LPIN1: variants seen among roughly 807,000 people sequenced by gnomAD.
LPIN1 encodes phosphatidate phosphatase LPIN1.
In LPIN1, 71 loss-of-function variants were observed where a neutral mutation model predicts 107.5. The ratio of observed to expected loss-of-function variants is 0.66; its 90% CI spans 0.55 to 0.80. The LOEUF (loss-of-function observed/expected upper bound fraction) is 0.80. LPIN1 is among the 30% of genes least tolerant of loss of function. The pLI, the probability that LPIN1 is intolerant of heterozygous loss-of-function variation, is 0.00. For missense variants in LPIN1, 1,043 were observed against 1,160.6 expected, an observed-to-expected ratio of 0.90 and a Z score of 1.47; for synonymous variants, 445 against 452.6, an observed-to-expected ratio of 0.98 and a Z score of 0.21.
chr2:11,696,102 C>A (rs1254449723), intron 1 of LPIN1, among the ~76,000 whole-genome samples: 1 of 141,784 alleles, frequency 7.1e-6, no homozygotes, highest in Non-Finnish European at 1.5e-5. Context: ...ATGCGGAGAA[C>A]ATGCAGGTTT....
intron 1 of LPIN1, among the ~76,000 whole-genome samples, chr2:11,763,876 G>A (rs1670260485): frequency 6.6e-6 from 1 of 151,224 alleles, no homozygotes; most frequent in Non-Finnish European, 1.5e-5. Flanking sequence ...CGCCTCCAGC[G>A]CCAGCTCCTC....
At chr2:11,811,983 C>CA (rs1039745941) in intron 17 of LPIN1, among the ~76,000 whole-genome samples, 17 of 147,786 alleles carry the variant, frequency 1.2e-4, no homozygotes, top group South Asian at 4.3e-4. Flanking sequence ...GACTCCGTCT[C>CA]AAAAAAAAAG....
chr2:11,773,757 C>G lies in LPIN1; in HGVS notation c.722+12C>G. The G allele has an allele frequency of 6.2e-7, 1 of 1,613,982 alleles. No individual in the cohort carries two copies. Among genetic ancestry groups the G allele is most frequent in the Non-Finnish European group, 8.5e-7 (1 of 1,179,910 alleles). Reference sequence around the variant, plus strand: ...TCACCCACTCCCAGGTAAGCTGTTCCCTGTTCCCCTGGCCCAGTGCAGAGG... The same window carrying G: ...TCACCCACTCCCAGGTAAGCTGTTCGCTGTTCCCCTGGCCCAGTGCAGAGG... On this transcript the variant is annotated intron_variant, in intron 5 of 20. Coordinates refer to ENST00000674199, the MANE Select transcript of LPIN1 (RefSeq NM_001349206.2).
chr2:11,795,055 A>C (rs1056004040), intron 13 of LPIN1, among the ~76,000 whole-genome samples: 7 of 152,214 alleles, frequency 4.6e-5, no homozygotes, highest in African/African-American at 1.7e-4. Context: ...ATCAGCAATT[A>C]CAAGAAAATA....
At chr2:11,690,582 T>C (rs1441350948) in intron 1 of LPIN1, among the ~76,000 whole-genome samples, 1 of 152,206 alleles carries the variant, frequency 6.6e-6, no homozygotes, top group African/African-American at 2.4e-5. Context: ...CTGGCACGAT[T>C]AGACACAAAT....
chr2:11,710,359 A>G (rs1186777831), intron 1 of LPIN1, among the ~76,000 whole-genome samples: 3 of 152,148 alleles, frequency 2.0e-5, no homozygotes, highest in Non-Finnish European at 4.4e-5. Flanking sequence ...AATCAAGACA[A>G]ACAATAGAGT....
exon 1 of LPIN1, chr2:11,677,607 A>T: frequency 7.0e-7 from 1 of 1,425,566 alleles, no homozygotes; most frequent in Non-Finnish European, 9.6e-7. Context: ...TTCTCTCCTG[A>T]TGCTGGGTGA....
At chr2:11,770,080 G>T (rs1252709068) in intron 3 of LPIN1, among the ~76,000 whole-genome samples, 1 of 152,180 alleles carries the variant, frequency 6.6e-6, no homozygotes, top group Non-Finnish European at 1.5e-5. Context: ...AATACTAATT[G>T]GTTCCTAATG....
At chr2:11,725,280 A>AAAAC (rs550383311) in intron 1 of LPIN1, among the ~76,000 whole-genome samples, 108 of 151,966 alleles carry the variant, frequency 7.1e-4, no homozygotes, top group South Asian at 3.3e-3. Context: ...AACAAAAACA[A>AAAAC]AAACAAACAA....
chr2:11,801,899 G>A (rs1052135665), intron 14 of LPIN1, among the ~76,000 whole-genome samples: 21 of 152,074 alleles, frequency 1.4e-4, no homozygotes, highest in Middle Eastern at 6.8e-3. Flanking sequence ...CCATAAATAT[G>A]TATAATTAAT....
At chr2:11,807,512 ATT>A (rs557625077) in intron 17 of LPIN1, among the ~76,000 whole-genome samples, 58 of 140,532 alleles carry the variant, frequency 4.1e-4, no homozygotes, top group African/African-American at 7.4e-4. Flanking sequence ...TTGCTTTTTA[ATT>A]TTTTTTTTTT....
chr2:11,780,937 A>G (rs758138826), intron 7 of LPIN1, among the ~76,000 whole-genome samples: 9 of 152,234 alleles, frequency 5.9e-5, no homozygotes, highest in Non-Finnish European at 1.0e-4. Flanking sequence ...GGTTCAGCAA[A>G]TATGTTTCTA....
intron 6 of LPIN1, 74 bp from the exon 7 acceptor site, chr2:11,779,445 C>A: frequency 6.6e-7 from 1 of 1,514,716 alleles, no homozygotes; most frequent in Non-Finnish European, 9.1e-7. Context: ...GCTATTTGAG[C>A]CATGGAGCTG....
chr2:11,764,768 G>A (rs566009218), intron 1 of LPIN1, among the ~76,000 whole-genome samples: 16 of 152,318 alleles, frequency 1.1e-4, no homozygotes, highest in South Asian at 4.1e-4. Context: ...GCACGATGGG[G>A]GATCCTACGC....
At chr2:11,764,109 CACACACACACA>C (rs1558838663) in intron 1 of LPIN1, 1 of 143,372 alleles carries the variant, frequency 7.0e-6, no homozygotes, top group Non-Finnish European at 1.5e-5. Flanking sequence ...TATATACACA[CACACACACACA>C]ACGACTAAAA....
In LPIN1 at chr2:11,707,789, C is replaced by T. The variant is rs141676590; in HGVS notation, c.82-5967C>T. On this transcript the variant is annotated intron_variant, in intron 1 of 21. Transcript: ENST00000449576. The surrounding 1 kb of genome is among the most constrained non-coding windows in gnomAD (Gnocchi z 4.2). ...GCTGCTTCTGTGAGCACCACAGGTGCTCACCTGCCTGCTGGGATGGACCTT... is the reference window on the plus strand; with the variant it reads ...GCTGCTTCTGTGAGCACCACAGGTGTTCACCTGCCTGCTGGGATGGACCTT... Among the ~76,000 whole-genome samples the T allele has an allele frequency of 6.6e-6, 1 of 152,144 alleles. No homozygotes were observed. The highest frequency in any genetic ancestry group is 1.5e-5 in the Non-Finnish European group (1 of 68,008).
rs1680397967 is a variant in LPIN1, at chr2:11,815,392, A to G, written c.2402+152A>G. The G allele has an allele frequency of 3.9e-6, 4 of 1,023,252 alleles. No homozygotes were observed. In the Admixed American group the frequency reaches 8.1e-5, roughly 21 times the overall value. 63.4% of individuals were successfully genotyped at this position (1,023,252 alleles called of 1,614,324 possible). On this transcript the variant is annotated intron_variant, in intron 18 of 20. Transcript: ENST00000674199. The stretch of plus-strand genomic sequence containing the variant: ...GCACCAGAAAAATCATTCCAAACAC[A>G]GGTCTACACCTGCATTGGCTCCTCA...
chr2:11,762,714 C>T (rs909684867), intron 1 of LPIN1, among the ~76,000 whole-genome samples: 6 of 152,212 alleles, frequency 3.9e-5, no homozygotes, highest in Non-Finnish European at 1.5e-5. Flanking sequence ...TTTAGGAGTT[C>T]TGGCTTGGAT....
intron 7 of LPIN1, among the ~76,000 whole-genome samples, chr2:11,781,467 T>G (rs1171338004): frequency 6.6e-6 from 1 of 152,230 alleles, no homozygotes; most frequent in East Asian, 1.9e-4. Context: ...CTTTCTCCCC[T>G]CTTTTTAGCC....
Sources: gnomAD v4.1 joint callset for allele counts (sites outside exome capture counted in the v4.1 genomes callset) on GRCh38, gnomAD v4.1.1 for gene constraint, Gnocchi (gnomAD v3.1) non-coding constraint, MANE v1.5 for transcripts, NCBI Gene and HGNC (gene_info 2026-07-23, HGNC 2026-07-21) for gene names.